The following LYPLAL1 variants were observed in gnomAD, a reference collection of about 807,000 sequenced individuals.
The protein encoded by LYPLAL1 is lysophospholipase-like protein 1.
In LYPLAL1, 23 loss-of-function variants were observed where a neutral mutation model predicts 19.7. That is an observed-to-expected ratio of 1.17 (90% CI 0.84 to 1.65). The LOEUF is 1.65. Among genes scored for constraint, LYPLAL1 ranks in the 40% most tolerant of loss-of-function variants. LYPLAL1 has a pLI of 0.00. For missense variants in LYPLAL1, 355 were observed against 279.4 expected (o/e 1.27, Z -1.93); for synonymous variants, 119 against 96.3 (o/e 1.24, Z -1.38).
At chr1:219,345,098 A>T in the LYPLAL1 span, among the ~76,000 whole-genome samples, 1 of 152,366 alleles carries the variant, frequency 6.6e-6, no homozygotes, top group Non-Finnish European at 1.5e-5. Context: ...ACTTCAATTA[A>T]TAAATAGGAA....
At chr1:219,210,344 A>G in intron 3 of LYPLAL1, 188 bp from the exon 4 acceptor site, 1 of 379,100 alleles carries the variant, frequency 2.6e-6, no homozygotes, top group Non-Finnish European at 4.7e-6. Context: ...ACCAGTGGTG[A>G]CATAGAGGGA....
the LYPLAL1 span, among the ~76,000 whole-genome samples, chr1:219,259,249 A>C: frequency 6.6e-6 from 1 of 152,040 alleles, no homozygotes; most frequent in Non-Finnish European, 1.5e-5. Flanking sequence ...TTGATACAGC[A>C]ATCCTACTGA....
At chr1:219,372,635 C>T in the LYPLAL1 span, among the ~76,000 whole-genome samples, 6 of 152,146 alleles carry the variant, frequency 3.9e-5, no homozygotes, top group Admixed American at 1.3e-4. Flanking sequence ...CCTGCTGGCT[C>T]ACACCTGTAA....
chr1:219,231,334 C>G, the LYPLAL1 span, among the ~76,000 whole-genome samples: 1 of 152,166 alleles, frequency 6.6e-6, no homozygotes, highest in African/African-American at 2.4e-5. Context: ...CTGTCCTAAA[C>G]TGTAAAACAA....
At chr1:219,435,690 G>A in the LYPLAL1 span, among the ~76,000 whole-genome samples, 1 of 152,036 alleles carries the variant, frequency 6.6e-6, no homozygotes, top group Non-Finnish European at 1.5e-5. Context: ...GCTGGGTGTG[G>A]TGGTGCATGC....
the LYPLAL1 span, among the ~76,000 whole-genome samples, chr1:219,299,480 A>C: frequency 5.9e-5 from 9 of 152,206 alleles, no homozygotes; most frequent in African/African-American, 1.7e-4. Context: ...AAGTGAGAGC[A>C]TGAATACTGG....
chr1:219,211,362 C>T, intron 4 of LYPLAL1, 130 bp from the exon 5 acceptor site: 2 of 674,954 alleles, frequency 3.0e-6, no homozygotes, highest in Non-Finnish European at 5.1e-6. Flanking sequence ...ACAGCACTCC[C>T]TCTGCCTTTT....
chr1:219,445,231 A>G, the LYPLAL1 span, among the ~76,000 whole-genome samples: 1 of 151,826 alleles, frequency 6.6e-6, no homozygotes, highest in Non-Finnish European at 1.5e-5. Flanking sequence ...TCTTTCCACA[A>G]AATTGGTTTG....
intron 3 of LYPLAL1, among the ~76,000 whole-genome samples, chr1:219,201,976 A>G (rs1185516522): frequency 6.6e-6 from 1 of 152,134 alleles, no homozygotes; most frequent in Non-Finnish European, 1.5e-5. Flanking sequence ...AACCTCTCGT[A>G]TGTATTTGTT....
chr1:219,443,041 T>C, the LYPLAL1 span, among the ~76,000 whole-genome samples: 1 of 151,916 alleles, frequency 6.6e-6, no homozygotes, highest in African/African-American at 2.4e-5. Flanking sequence ...TGAGGGGAAT[T>C]GTTTAAAATA....
the LYPLAL1 span, among the ~76,000 whole-genome samples, chr1:219,439,992 C>CACACATATATATATAT: frequency 1.8e-3 from 59 of 32,392 alleles, 2 homozygotes; most frequent in African/African-American, 5.4e-3. Context: ...TATATATATA[C>CACACATATATATATAT]ACACATATAT....
the LYPLAL1 span, among the ~76,000 whole-genome samples, chr1:219,337,346 G>A: frequency 6.6e-6 from 1 of 151,834 alleles, no homozygotes; most frequent in Non-Finnish European, 1.5e-5. Flanking sequence ...AATTATTCAG[G>A]GAATAAGAAC....
At chr1:219,182,346 G>T (rs1656359228) in intron 2 of LYPLAL1, among the ~76,000 whole-genome samples, 1 of 152,072 alleles carries the variant, frequency 6.6e-6, no homozygotes, top group South Asian at 2.1e-4. Context: ...CCCTGTTTAG[G>T]CAAGCAGTTT....
chr1:219,287,475 A>G, the LYPLAL1 span, among the ~76,000 whole-genome samples: 2,440 of 152,280 alleles, frequency 0.016, 20 homozygotes, highest in Non-Finnish European at 0.023. Flanking sequence ...GCAAATTGAA[A>G]CAACAATGAG....
At chr1:219,217,382 G>GTGTGTGTGTGTGTGTA (rs1659330866), downstream of LYPLAL1, among the ~76,000 whole-genome samples, 1 of 133,136 alleles carries the variant, frequency 7.5e-6, no homozygotes, top group Non-Finnish European at 1.7e-5. Context: ...CAGGTTTGGT[G>GTGTGTGTGTGTGTGTA]TGTGTGTGTG....
the LYPLAL1 span, among the ~76,000 whole-genome samples, chr1:219,355,743 T>G: frequency 6.6e-6 from 1 of 151,758 alleles, no homozygotes; most frequent in Admixed American, 6.6e-5. Flanking sequence ...CTCAATAAAT[T>G]TAAAAGAATT....
rs1659100148 is a variant in LYPLAL1, at chr1:219,212,264, GCAGGTCAAGACAAGAAATT to G, written c.*543_*561del. On this transcript the variant is annotated 3_prime_UTR_variant, in exon 5 of 5. Coordinates refer to ENST00000366928, the MANE Select transcript of LYPLAL1 (RefSeq NM_138794.5). The stretch of plus-strand genomic sequence containing the variant: ...GGAGTTAAAGACTTTCCCACAGCTT[GCAGGTCAAGACAAGAAATT>G]CAGGTCTCCTAATTCTCAGTGGAGC... 6.6e-6 allele frequency: 1 copy of G among 151,982 alleles called. No individual in the cohort carries two copies. Among genetic ancestry groups the G allele is most frequent in the Admixed American group, 6.6e-5 (1 of 15,248 alleles). 9.4% of individuals were successfully genotyped at this position (151,982 alleles called of 1,614,324 possible).
chr1:219,264,347 T>C, the LYPLAL1 span, among the ~76,000 whole-genome samples: 1 of 152,222 alleles, frequency 6.6e-6, no homozygotes, highest in Non-Finnish European at 1.5e-5. Context: ...TCTGGTCAGT[T>C]GAAAATTTTT....
the LYPLAL1 span, among the ~76,000 whole-genome samples, chr1:219,401,316 A>G: frequency 9.3e-6 from 1 of 107,388 alleles, no homozygotes; most frequent in Non-Finnish European, 2.1e-5. Context: ...TATAAGCCCC[A>G]TGCTAGGTAG....
Sources: gnomAD v4.1 joint callset for allele counts (sites outside exome capture counted in the v4.1 genomes callset) on GRCh38, gnomAD v4.1.1 for gene constraint, MANE v1.5 for transcripts, NCBI Gene and HGNC (gene_info 2026-07-23, HGNC 2026-07-21) for gene names.